The following POLR3E variants were observed in gnomAD, a reference collection of about 807,000 sequenced individuals.
POLR3E encodes the protein RNA polymerase III subunit E, also known as DNA-directed RNA polymerase III subunit RPC5.
In POLR3E, 41 loss-of-function variants were observed where a neutral mutation model predicts 96.6. The observed-to-expected ratio is 0.42, with a 90% confidence interval of 0.33 to 0.55. The LOEUF (loss-of-function observed/expected upper bound fraction) is 0.55, where lower values mean the gene tolerates loss of function less well. Among genes scored for constraint, POLR3E ranks in the 20% least tolerant of loss-of-function variants. POLR3E has a pLI of 0.06. For synonymous variants in POLR3E, 396 were observed against 383.6 expected (o/e 1.03, Z -0.38); for missense variants, 849 against 952.1 (o/e 0.89, Z 1.43).
intron 8 of POLR3E, among the ~76,000 whole-genome samples, chr16:22,314,491 G>A (rs911263314): frequency 7.2e-5 from 11 of 152,240 alleles, no homozygotes; most frequent in East Asian, 1.9e-4. Flanking sequence ...AATAGTTTTC[G>A]TTTTAATAGT....
chr16:22,325,979 C>G lies in POLR3E; in HGVS notation c.1567C>G (p.Pro523Ala), dbSNP rs1376096839. The G allele has an allele frequency of 6.3e-7, 1 of 1,591,766 alleles. No individual in the cohort carries two copies. Among genetic ancestry groups the G allele is most frequent in the Admixed American group, 1.8e-5 (1 of 56,276 alleles). Residue 523 changes from proline (P) to alanine (A), a missense_variant, in exon 18 of 21, where the codon CCC becomes GCC. Pro to Ala is a conservative substitution (Grantham distance 27). Transcript: ENST00000299853. ...EAEEEPMDTSPSGLHSKLANG... is the reference protein window; with the variant it reads ...EAEEEPMDTSASGLHSKLANG... ...GGAGGAGGAGCCCATGGACACTTCC[C>G]CCAGCGGCCTCCACAGCAAGCTGGC...
chr16:22,329,316 C>T (rs565230897), intron 19 of POLR3E, among the ~76,000 whole-genome samples: 54 of 152,240 alleles, frequency 3.5e-4, no homozygotes, highest in African/African-American at 1.3e-3. Flanking sequence ...CATTTTGCCT[C>T]TAGTCATACT....
intron 4 of POLR3E, 126 bp from the exon 5 acceptor site, chr16:22,308,799 G>C (rs2048184449): frequency 3.2e-6 from 2 of 627,830 alleles, no homozygotes; most frequent in African/African-American, 3.7e-5. Flanking sequence ...GGCCCTTGGG[G>C]ACATGTGTCA....
chr16:22,322,899 GC>G lies in POLR3E; in HGVS notation c.1037del (p.Ala346ValfsTer29). ...DSSSPHSGVP[A>X]EVLCRGRDFV... is the part of the protein sequence containing the mutation. ...GTCCAGCCCTCACAGCGGCGTGCCTGCTGAGGTGCTCTGCAGGGGCCGAGAC... is the reference window on the plus strand; with the variant it reads ...GTCCAGCCCTCACAGCGGCGTGCCTGTGAGGTGCTCTGCAGGGGCCGAGAC... On this transcript the variant is annotated frameshift_variant, in exon 14 of 21. Transcript: ENST00000299853. LOFTEE classifies it high-confidence loss of function. The surrounding 1 kb of genome is among the most constrained non-coding windows in gnomAD (Gnocchi z 5.2). The G allele has an allele frequency of 6.2e-7, 1 of 1,613,332 alleles. No individual in the cohort carries two copies. Among genetic ancestry groups the G allele is most frequent in the Non-Finnish European group, 8.5e-7 (1 of 1,179,596 alleles).
chr16:22,331,812 TTTG>T (rs2048746946), intron 19 of POLR3E: 2 of 388,968 alleles, frequency 5.1e-6, no homozygotes, highest in Non-Finnish European at 4.8e-6. Context: ...GGCATATACC[TTTG>T]TTTTTATTTA....
At position 22,312,889 on chromosome 16, in the gene POLR3E, A is replaced by C. The variant is rs60630131; in HGVS notation, c.365-731A>C. On this transcript the variant is annotated intron_variant, in intron 6 of 20. Coordinates refer to ENST00000299853, the MANE Select transcript of POLR3E (RefSeq NM_018119.4). ...ACTCCATCTCAAAAAAAAAAAAAAA[A>C]AAAAAAAACAGTAAAGTGCTTAAGT... Among the ~76,000 whole-genome samples the C allele has an allele frequency of 9.6e-4, 146 of 151,824 alleles. 2 individuals carry two copies. The highest frequency in any genetic ancestry group is 3.3e-3 in the African/African-American group (138 of 41,398).
rs2048658148 is a variant in POLR3E at position 22,328,453 on chromosome 16, G to A, written c.1867-57G>A. The A allele has an allele frequency of 6.2e-6, 9 of 1,455,446 alleles. No individual in the cohort carries two copies. In the East Asian group the frequency reaches 1.8e-4, roughly 29 times the overall value. The allele number at this position is 1,455,446 out of a possible 1,614,324, so 90.2% of individuals were successfully genotyped here. On this transcript the variant is annotated intron_variant, in intron 18 of 20. Coordinates refer to ENST00000299853, the MANE Select transcript of POLR3E (RefSeq NM_018119.4). ...GGGCAGACAGGGAGGGATGAGGCAA[G>A]CAAATGGATCCATGGGGTAGAGATG...
intron 1 of POLR3E, among the ~76,000 whole-genome samples, chr16:22,301,839 G>A (rs1331420446): frequency 6.6e-6 from 1 of 151,076 alleles, no homozygotes; most frequent in Non-Finnish European, 1.5e-5. Context: ...GGCAAGAATC[G>A]CTTGAACCCG....
chr16:22,307,363 GC>G (rs2048154636), intron 3 of POLR3E, among the ~76,000 whole-genome samples: 1 of 152,144 alleles, frequency 6.6e-6, no homozygotes, highest in Non-Finnish European at 1.5e-5. Flanking sequence ...CCGTCTCCTT[GC>G]GCTAGAATGT....
At chr16:22,307,577 A>G (rs1031810030) in intron 3 of POLR3E, among the ~76,000 whole-genome samples, 2 of 152,194 alleles carry the variant, frequency 1.3e-5, no homozygotes, top group African/African-American at 4.8e-5. Flanking sequence ...TGAGCCATTC[A>G]CATAAAGATA....
intron 14 of POLR3E, among the ~76,000 whole-genome samples, chr16:22,323,551 C>A (rs556093185): frequency 6.6e-6 from 1 of 152,130 alleles, no homozygotes; most frequent in South Asian, 2.1e-4. Flanking sequence ...GCTGGTGTGC[C>A]GTCCCAGTCA....
chr16:22,328,847 T>C, intron 19 of POLR3E: 1 of 422,450 alleles, frequency 2.4e-6, no homozygotes. Flanking sequence ...AAATACAGGC[T>C]GGGCGTAGTG....
At chr16:22,298,654 G>C (rs2047957274) in intron 1 of POLR3E, among the ~76,000 whole-genome samples, 1 of 151,882 alleles carries the variant, frequency 6.6e-6, no homozygotes, top group Admixed American at 6.5e-5. Flanking sequence ...TAGTGGTTAA[G>C]AATAAGAATA....
intron 19 of POLR3E, chr16:22,331,582 G>A (rs2048741836): frequency 6.6e-6 from 1 of 152,166 alleles, no homozygotes; most frequent in Admixed American, 6.6e-5. Context: ...TTTTATTTTG[G>A]GGTGTAACGT....
chr16:22,332,741 A>G (rs2048767206), intron 20 of POLR3E, among the ~76,000 whole-genome samples: 1 of 152,094 alleles, frequency 6.6e-6, no homozygotes. Flanking sequence ...ATTTAGTTTA[A>G]AAAGGAATAT....
intron 2 of POLR3E, among the ~76,000 whole-genome samples, chr16:22,303,246 C>A (rs1285391957): frequency 6.6e-6 from 1 of 152,102 alleles, no homozygotes; most frequent in African/African-American, 2.4e-5. Context: ...CCCTTCCACA[C>A]CCAGCTCCCC....
In POLR3E at chr16:22,315,130, C is replaced by T. The variant is rs531697253; in HGVS notation, c.564C>T (p.Arg188=). Residue 188 remains arginine, a synonymous_variant, in exon 9 of 21, where the codon CGC becomes CGT. Coordinates refer to ENST00000299853, the MANE Select transcript of POLR3E (RefSeq NM_018119.4). ...SRPESEQARQ[R]RVQSYEFLQK... ...CGGAGTCAGAGCAGGCCCGCCAGCG[C>T]CGTGTGCAGTCCTATGAGTTCCTGC... 2.7e-5 allele frequency: 43 copies of T among 1,613,374 alleles called. No individual in the cohort carries two copies. The South Asian group carries it at 4.5e-4, about 17-fold the overall frequency.
chr16:22,313,675 C>T lies in POLR3E; in HGVS notation c.420C>T (p.Ser140=), dbSNP rs2048294272. The stretch of plus-strand genomic sequence containing the variant: ...TCCTGCAGCTGCGGCCCAGCTTCTC[C>T]TACCTGGATAAGGCTGACGCCAAGC... ...HGILQLRPSF[S]YLDKADAKHR... is the part of the protein sequence containing the mutation. The change falls in exon 7 of 21, where the codon TCC becomes TCT. Residue 140 remains serine (S), a synonymous_variant. Coordinates refer to ENST00000299853, the MANE Select transcript of POLR3E (RefSeq NM_018119.4). The surrounding 1 kb of genome is among the most constrained non-coding windows in gnomAD (Gnocchi z 4.1). 6.2e-7 allele frequency: 1 copy of T among 1,614,008 alleles called. No individual in the cohort carries two copies. The highest frequency in any genetic ancestry group is 2.2e-5 in the East Asian group (1 of 44,872).
intron 6 of POLR3E, chr16:22,309,726 T>C: frequency 1.7e-6 from 1 of 587,434 alleles, no homozygotes; most frequent in Non-Finnish European, 3.1e-6. Flanking sequence ...CCTGACCAGA[T>C]GGGGTGGGGC....
Sources: gnomAD v4.1 joint callset for allele counts (sites outside exome capture counted in the v4.1 genomes callset) on GRCh38, gnomAD v4.1.1 for gene constraint, Gnocchi (gnomAD v3.1) non-coding constraint, MANE v1.5 for transcripts, NCBI Gene and HGNC (gene_info 2026-07-23, HGNC 2026-07-21) for gene names.